CTNNA2: variants seen among roughly 807,000 people sequenced by gnomAD.
The protein encoded by CTNNA2 is catenin alpha-2.
In CTNNA2, 42 loss-of-function variants were observed where a neutral mutation model predicts 101.0. The ratio of observed to expected loss-of-function variants is 0.42; its 90% confidence interval spans 0.32 to 0.54. The LOEUF is 0.54. Among genes scored for constraint, CTNNA2 ranks in the 20% least tolerant of loss-of-function variants. The pLI, the probability that CTNNA2 is intolerant of heterozygous loss-of-function variation, is 0.14. For missense variants in CTNNA2, 871 were observed against 1,223.1 expected (o/e 0.71, Z 4.29); for synonymous variants, 450 against 456.4 (o/e 0.99, Z 0.18).
intron 6 of CTNNA2, among the ~76,000 whole-genome samples, chr2:79,905,663 C>A (rs1685372921): frequency 6.6e-6 from 1 of 152,016 alleles, no homozygotes; most frequent in East Asian, 1.9e-4. Context: ...GGTGCCCCTT[C>A]CTGCTAGCAG....
At chr2:79,858,356 G>C (rs1435432311) in intron 4 of CTNNA2, among the ~76,000 whole-genome samples, 177 bp downstream of exon 4, 3 of 152,094 alleles carry the variant, frequency 2.0e-5, no homozygotes, top group Non-Finnish European at 4.4e-5. Context: ...CAATAATATA[G>C]TCAAAGAGTT....
At chr2:79,525,451 A>G (rs188392380) in intron 1 of CTNNA2, among the ~76,000 whole-genome samples, 407 of 152,068 alleles carry the variant, frequency 2.7e-3, no homozygotes, top group Non-Finnish European at 4.3e-3. Flanking sequence ...ATCAGTATTG[A>G]TTTATCATTA....
intron 7 of CTNNA2, among the ~76,000 whole-genome samples, chr2:80,155,278 G>C (rs1022108741): frequency 5.9e-5 from 9 of 152,150 alleles, no homozygotes; most frequent in Admixed American, 1.3e-4. Flanking sequence ...CAGTCACTGT[G>C]GCTGAAAACA....
chr2:79,383,283 A>C (rs1040087589), intron 4 of CTNNA2, among the ~76,000 whole-genome samples: 1 of 152,216 alleles, frequency 6.6e-6, no homozygotes, highest in Non-Finnish European at 1.5e-5. Flanking sequence ...GTACATGGCA[A>C]ATTTCATGAC....
chr2:80,338,423 T>C lies in CTNNA2; in HGVS notation c.1057-54788T>C, dbSNP rs554786084. Among the ~76,000 whole-genome samples, 3 of 151,562 alleles carry C rather than the reference T, an allele frequency of 2.0e-5. No homozygotes were observed. In the East Asian group the frequency reaches 5.9e-4, roughly 30 times the overall value. ...AAACCATTTTGGAGAAAACAGAACA[T>C]TTCAGTAACAGCTGGGCCTTCAGCC... On this transcript the variant is annotated intron_variant, in intron 7 of 18. Coordinates refer to ENST00000402739, the MANE Select transcript of CTNNA2 (RefSeq NM_001282597.3).
chr2:79,983,878 G>A (rs659224), intron 7 of CTNNA2, among the ~76,000 whole-genome samples: 71,512 of 151,546 alleles, frequency 0.47, 18,777 homozygotes, highest in Non-Finnish European at 0.61. Context: ...ACTGACTCAC[G>A]TTTATACCAT....
At chr2:79,585,936 G>A (rs1039045148) in intron 1 of CTNNA2, among the ~76,000 whole-genome samples, 5 of 152,120 alleles carry the variant, frequency 3.3e-5, no homozygotes, top group African/African-American at 1.2e-4. Context: ...TCACAACCAC[G>A]CTTGGAGAAA....
At chr2:80,271,452 C>A (rs112915399) in intron 7 of CTNNA2, among the ~76,000 whole-genome samples, 17 of 148,896 alleles carry the variant, frequency 1.1e-4, no homozygotes, top group African/African-American at 3.7e-4. Flanking sequence ...GATGGAGTCT[C>A]GCTCTTTAGC....
At chr2:79,714,727 G>C (rs1573765555) in intron 2 of CTNNA2, among the ~76,000 whole-genome samples, 1 of 152,260 alleles carries the variant, frequency 6.6e-6, no homozygotes, top group East Asian at 1.9e-4. Flanking sequence ...AGTCATGACA[G>C]GATGACATCT....
intron 7 of CTNNA2, among the ~76,000 whole-genome samples, chr2:79,965,827 C>CAAAAAAA (rs10686940): frequency 1.7e-3 from 129 of 77,878 alleles, no homozygotes; most frequent in Non-Finnish European, 2.3e-3. Flanking sequence ...GAGACTATGT[C>CAAAAAAA]AAAAAAAAAA....
intron 2 of CTNNA2, among the ~76,000 whole-genome samples, chr2:79,702,995 C>T (rs1214141225): frequency 2.6e-5 from 4 of 152,096 alleles, no homozygotes; most frequent in Admixed American, 6.5e-5. Context: ...TTTGTTGTTA[C>T]CCTTAGAGAA....
At chr2:79,715,942 T>C (rs1007819710) in intron 2 of CTNNA2, among the ~76,000 whole-genome samples, 1 of 152,038 alleles carries the variant, frequency 6.6e-6, no homozygotes, top group African/African-American at 2.4e-5. Flanking sequence ...GCTGACAAAG[T>C]GCAATCACGA....
chr2:79,228,075 C>A (rs748879684), intron 2 of CTNNA2, among the ~76,000 whole-genome samples: 1 of 152,200 alleles, frequency 6.6e-6, no homozygotes, highest in Non-Finnish European at 1.5e-5. Context: ...CTGCAAAGGG[C>A]ATGATTTTGT....
chr2:80,322,373 C>T (rs1678784316), intron 7 of CTNNA2, among the ~76,000 whole-genome samples: 1 of 150,684 alleles, frequency 6.6e-6, no homozygotes, highest in Non-Finnish European at 1.5e-5. Flanking sequence ...AGAAATTGTG[C>T]CTTCCTCAGC....
intron 7 of CTNNA2, among the ~76,000 whole-genome samples, chr2:80,099,544 T>C (rs1700405749): frequency 6.6e-6 from 1 of 152,160 alleles, no homozygotes; most frequent in Admixed American, 6.5e-5. Flanking sequence ...TAAATACCTT[T>C]GGAGTTTTAA....
At chr2:79,819,116 A>T (rs1677807967) in intron 3 of CTNNA2, among the ~76,000 whole-genome samples, 1 of 151,312 alleles carries the variant, frequency 6.6e-6, no homozygotes, top group African/African-American at 2.4e-5. Context: ...AGTAGCTGGG[A>T]TTACAGGCAT....
chr2:80,177,921 G>A (rs542135165), intron 7 of CTNNA2, among the ~76,000 whole-genome samples: 1 of 152,300 alleles, frequency 6.6e-6, no homozygotes, highest in Admixed American at 6.5e-5. Context: ...AATGCTCAAA[G>A]TTCTGCCCAC....
At chr2:79,386,876 T>C (rs1389323589) in intron 4 of CTNNA2, among the ~76,000 whole-genome samples, 1 of 152,180 alleles carries the variant, frequency 6.6e-6, no homozygotes, top group Non-Finnish European at 1.5e-5. Context: ...ACATTCATCT[T>C]GGTTATCTAA....
chr2:79,394,397 CA>C (rs1003412476), intron 4 of CTNNA2, among the ~76,000 whole-genome samples: 1 of 152,156 alleles, frequency 6.6e-6, no homozygotes, highest in African/African-American at 2.4e-5. Flanking sequence ...ATCATGAAAT[CA>C]AGCCTGTTTC....
Sources: allele counts gnomAD v4.1 joint callset (sites outside exome capture counted in the v4.1 genomes callset), GRCh38; gene constraint gnomAD v4.1.1; transcripts MANE v1.5; gene names NCBI Gene and HGNC (gene_info 2026-07-23, HGNC 2026-07-21).